MRPL3: variants seen among roughly 807,000 people sequenced by gnomAD.
MRPL3 encodes the protein large ribosomal subunit protein uL3m.
MRPL3 carries 43 observed loss-of-function variants against 44.3 expected under a neutral mutation model. That is an observed-to-expected ratio of 0.97 (90% CI 0.76 to 1.25). MRPL3 has a LOEUF of 1.25. Among genes scored for constraint, MRPL3 ranks in the 50% most tolerant of loss-of-function variants. The pLI is 0.00. For synonymous variants in MRPL3, 171 were observed against 152.3 expected, an observed-to-expected ratio of 1.12 and a Z score of -0.91; for missense variants, 406 against 427.6, an observed-to-expected ratio of 0.95 and a Z score of 0.45.
At chr3:131,463,444 T>G (rs1933534321) in intron 9 of MRPL3, among the ~76,000 whole-genome samples, 1 of 152,106 alleles carries the variant, frequency 6.6e-6, no homozygotes, top group Non-Finnish European at 1.5e-5. Flanking sequence ...ATTTTCAAAT[T>G]TGGGTAAGGG....
intron 6 of MRPL3, among the ~76,000 whole-genome samples, chr3:131,482,190 CA>C (rs929754610): frequency 9.2e-5 from 14 of 152,216 alleles, no homozygotes; most frequent in African/African-American, 3.4e-4. Flanking sequence ...CAAGGTGCTC[CA>C]ATACCTAATC....
chr3:131,493,542 T>C (rs1934302610), intron 4 of MRPL3, among the ~76,000 whole-genome samples: 1 of 152,136 alleles, frequency 6.6e-6, no homozygotes, highest in Non-Finnish European at 1.5e-5. Flanking sequence ...CAGTGGCAAG[T>C]TAGACAATAA....
intron 5 of MRPL3, among the ~76,000 whole-genome samples, chr3:131,489,709 G>A (rs1173243475): frequency 6.6e-6 from 1 of 151,678 alleles, no homozygotes. Context: ...AATTTTAAAA[G>A]TTAGTGTATT....
Position 131,501,940 on chromosome 3 carries a change from C to T in MRPL3, c.93-225G>A, listed in dbSNP as rs918664649. The T allele has an allele frequency of 3.9e-6, 6 of 1,528,840 alleles. No individual in the cohort carries two copies. The African/African-American group carries it at 4.1e-5, about 11-fold the overall frequency. The allele number at this position is 1,528,840 out of a possible 1,614,324, so 94.7% of individuals were successfully genotyped here. A position where few individuals can be genotyped will look rare whatever the true frequency, so the allele number is the denominator to read the frequency against. On this transcript the variant is annotated intron_variant, in intron 1 of 9. Transcript: ENST00000264995. ...AGTCGTTACCCTGGAGAAAAAAATT[C>T]ATCTTCTCCTCGCAGATAAACATAT...
At chr3:131,482,500 G>A (rs962208783) in intron 6 of MRPL3, among the ~76,000 whole-genome samples, 1 of 148,776 alleles carries the variant, frequency 6.7e-6, no homozygotes, top group Non-Finnish European at 1.5e-5. Flanking sequence ...GGGCAACAGA[G>A]CAAGACTCCG....
At chr3:131,484,199 A>G (rs1162680069) in intron 6 of MRPL3, among the ~76,000 whole-genome samples, 1 of 152,148 alleles carries the variant, frequency 6.6e-6, no homozygotes, top group Admixed American at 6.5e-5. Context: ...GAGGAGGAAA[A>G]GTGGTTTAAC....
chr3:131,462,436 G>A lies in MRPL3; in HGVS notation c.*287C>T, dbSNP rs1933510408. The A allele has an allele frequency of 4.1e-6, 1 of 245,382 alleles. No individual in the cohort carries two copies. The highest frequency in any genetic ancestry group is 7.8e-5 in the East Asian group (1 of 12,834). 15.2% of individuals were successfully genotyped at this position (245,382 alleles called of 1,614,324 possible). A position where few individuals can be genotyped will look rare whatever the true frequency, so the allele number is the denominator to read the frequency against. ...TTTACAGACATCTTAAGATAACTTGGGAAATATGTAGTAAAAAAGAATCGA... is the reference window on the plus strand; with the variant it reads ...TTTACAGACATCTTAAGATAACTTGAGAAATATGTAGTAAAAAAGAATCGA... On this transcript the variant is annotated 3_prime_UTR_variant, in exon 10 of 10. Transcript: ENST00000264995.
intron 4 of MRPL3, among the ~76,000 whole-genome samples, chr3:131,496,871 C>G (rs1934380917): frequency 6.6e-6 from 1 of 152,238 alleles, no homozygotes; most frequent in Non-Finnish European, 1.5e-5. Context: ...ACCTCACACA[C>G]TACCTTGATA....
chr3:131,462,693 A>G lies in MRPL3; in HGVS notation c.*30T>C. The G allele has an allele frequency of 1.3e-6, 2 of 1,582,828 alleles. No homozygotes were observed. Among genetic ancestry groups the G allele is most frequent in the South Asian group, 1.2e-5 (1 of 86,652 alleles). ...ACTCTGGCTCATCGAAGCTCACAGA[A>G]TATGTAAGGTTCTGCCACGTCCAAA... On this transcript the variant is annotated 3_prime_UTR_variant, in exon 10 of 10. Coordinates refer to ENST00000264995, the MANE Select transcript of MRPL3 (RefSeq NM_007208.4).
intron 5 of MRPL3, among the ~76,000 whole-genome samples, chr3:131,488,191 G>C (rs1934172667): frequency 6.6e-6 from 1 of 152,056 alleles, no homozygotes; most frequent in African/African-American, 2.4e-5. Context: ...TAATGATCAT[G>C]GTATGTATGA....
chr3:131,501,688 A>C lies in MRPL3; in HGVS notation c.120T>G (p.Gly40=), dbSNP rs1208399733. The C allele has an allele frequency of 1.2e-6, 2 of 1,613,108 alleles. No homozygotes were observed. Among genetic ancestry groups the C allele is most frequent in the South Asian group, 1.1e-5 (1 of 90,614 alleles). The part of the protein sequence containing the change: ...NRTHIWLFVR[G]LHGKSGTWWD... Reference sequence around the variant, plus strand: ...ACCATGTACCACTCTTTCCATGAAGACCTCTAACAAAAAGCCAGATGTGTG... The same window carrying C: ...ACCATGTACCACTCTTTCCATGAAGCCCTCTAACAAAAAGCCAGATGTGTG... The change falls in exon 2 of 10, where the codon GGT becomes GGG. Residue 40 remains glycine, a synonymous_variant. Coordinates refer to ENST00000264995, the MANE Select transcript of MRPL3 (RefSeq NM_007208.4).
At chr3:131,469,815 A>G (rs752648386) in intron 7 of MRPL3, 42 bp from the exon 8 acceptor site, 4 of 1,280,024 alleles carry the variant, frequency 3.1e-6, no homozygotes, top group Non-Finnish European at 4.5e-6. Context: ...AGTACTATCA[A>G]TTTTAAACAG....
In MRPL3 at chr3:131,490,053, G is replaced by T. The variant is rs745864146; in HGVS notation, c.496C>A (p.Arg166=). 2 of 1,610,112 alleles carry T rather than the reference G, an allele frequency of 1.2e-6. No homozygotes were observed. Among genetic ancestry groups the T allele is most frequent in the Admixed American group, 1.7e-5 (1 of 59,876 alleles). ...RKATSILEFY[R]ELGLPPKQTV... ...TGTTTCGGCGGCAATCCAAGTTCCC[G>T]GTAAAATTCCAATATGGATGTAGCT... is the stretch of plus-strand genomic sequence containing the variant. The change falls in exon 5 of 10, where the codon CGG becomes AGG. Residue 166 remains arginine, a synonymous_variant. Transcript: ENST00000264995.
chr3:131,462,541 T>C lies in MRPL3; in HGVS notation c.*182A>G, dbSNP rs1933512129. On this transcript the variant is annotated 3_prime_UTR_variant, in exon 10 of 10. Transcript: ENST00000264995. ...CAATCTACTTAACTCATATATTTAATGTGGTAATTTTTCTAACAAAATTTA... is the reference window on the plus strand; with the variant it reads ...CAATCTACTTAACTCATATATTTAACGTGGTAATTTTTCTAACAAAATTTA... 1 of 460,474 alleles carries C rather than the reference T, an allele frequency of 2.2e-6. No individual in the cohort carries two copies. The highest frequency in any genetic ancestry group is 3.6e-6 in the Non-Finnish European group (1 of 276,252). The allele number at this position is 460,474 out of a possible 1,614,324, so 28.5% of individuals were successfully genotyped here.
chr3:131,502,274 T>C (rs1267823173), intron 1 of MRPL3, among the ~76,000 whole-genome samples: 6 of 152,234 alleles, frequency 3.9e-5, no homozygotes, highest in Non-Finnish European at 8.8e-5. Flanking sequence ...GAAGTAAAGC[T>C]TTCTGCAGTC....
At chr3:131,469,556 AC>A (rs3033338) in intron 8 of MRPL3, 139 bp downstream of exon 8, 2 of 571,660 alleles carry the variant, frequency 3.5e-6, no homozygotes, top group Non-Finnish European at 6.1e-6. Flanking sequence ...ACACACACAC[AC>A]AATTCATGTA....
At position 131,476,627 on chromosome 3, in the gene MRPL3, T is replaced by C. The variant is rs185507816; in HGVS notation, c.630-5348A>G. Among the ~76,000 whole-genome samples, 346 of 152,296 alleles carry C rather than the reference T, an allele frequency of 2.3e-3. 3 individuals carry two copies. Among genetic ancestry groups the C allele is most frequent in the African/African-American group, 7.8e-3 (325 of 41,562 alleles). ...CATAGAGATCCCAATTTTAGTTAGA[T>C]ATATTTGAAAATTAAGAAGACATAA... On this transcript the variant is annotated intron_variant, in intron 6 of 9. Transcript: ENST00000264995.
intron 6 of MRPL3, among the ~76,000 whole-genome samples, chr3:131,483,224 A>G (rs576361834): frequency 1.3e-5 from 2 of 152,320 alleles, no homozygotes; most frequent in Non-Finnish European, 2.9e-5. Flanking sequence ...ATAGAGCAAG[A>G]ACATAAACCT....
chr3:131,464,481 C>A (rs1023714238), intron 9 of MRPL3, among the ~76,000 whole-genome samples: 4 of 152,032 alleles, frequency 2.6e-5, no homozygotes, highest in Non-Finnish European at 1.5e-5. Flanking sequence ...TATTTCCCTG[C>A]CTGCACCAAG....
Sources: gnomAD v4.1 joint callset for allele counts (sites outside exome capture counted in the v4.1 genomes callset) on GRCh38, gnomAD v4.1.1 for gene constraint, MANE v1.5 for transcripts, NCBI Gene and HGNC (gene_info 2026-07-23, HGNC 2026-07-21) for gene names.